Variants in APOBEC3C observed in about 807,000 individuals in gnomAD.
APOBEC3C encodes the protein apolipoprotein B mRNA editing enzyme catalytic subunit 3C.
Under a neutral mutation model 20.6 loss-of-function variants are expected in APOBEC3C, and 14 were observed. The observed-to-expected ratio is 0.68, with a 90% CI of 0.45 to 1.06. The LOEUF is 1.06. Ranked by LOEUF, APOBEC3C falls within the 50% of genes least tolerant of loss-of-function variation. APOBEC3C has a pLI of 0.00. For synonymous variants in APOBEC3C, 98 were observed against 88.8 expected, an observed-to-expected ratio of 1.10 and a Z score of -0.58; for missense variants, 244 against 241.9, an observed-to-expected ratio of 1.01 and a Z score of -0.06.
intron 1 of APOBEC3C, among the ~76,000 whole-genome samples, chr22:39,014,640 G>A (rs1344117229): frequency 2.0e-5 from 3 of 151,982 alleles, no homozygotes; most frequent in African/African-American, 7.2e-5. Flanking sequence ...TCATGCCCGG[G>A]CTGGTGCTTC....
Position 39,018,137 on chromosome 22 carries a change from C to T in APOBEC3C, c.454+92C>T, listed in dbSNP as rs570362234. 46 of 1,578,266 alleles carry T rather than the reference C, an allele frequency of 2.9e-5. No individual in the cohort carries two copies. The African/African-American group carries it at 3.6e-4, about 12-fold the overall frequency. On this transcript the variant is annotated intron_variant, in intron 3 of 3. Coordinates refer to ENST00000361441, the MANE Select transcript of APOBEC3C (RefSeq NM_014508.3). ...ATGCTGTGGGGCGGGTCAGTGTCCC[C>T]TGGGTGTCTGTGGGGACCGGGCCAG...
In APOBEC3C at chr22:39,014,415, G is replaced by A. The variant is rs778096099; in HGVS notation, c.17+36G>A. 34 of 1,613,508 alleles carry A rather than the reference G, an allele frequency of 2.1e-5. 1 individual carries two copies. The South Asian group carries it at 3.6e-4, about 17-fold the overall frequency. ...ACGCTTTGTCCGCCAGGCCCCTCCT[G>A]CCACTTCCTGCCAGGCGGTCCTGCT... On this transcript the variant is annotated intron_variant, in intron 1 of 3. Coordinates refer to ENST00000361441, the MANE Select transcript of APOBEC3C (RefSeq NM_014508.3).
Position 39,015,620 on chromosome 22 carries a change from G to A in APOBEC3C, c.43G>A (p.Gly15Ser). The change falls in exon 2 of 4, where the codon GGC (glycine) becomes AGC (serine). Residue 15 changes from glycine to serine, a missense_variant. Gly to Ser is a moderately conservative substitution (Grantham distance 56). Transcript: ENST00000361441. ...IRNPMKAMYP[G>S]TFYFQFKNLW... The stretch of plus-strand genomic sequence containing the variant: ...AAACCCGATGAAGGCAATGTATCCA[G>A]GCACATTCTACTTCCAATTTAAAAA... 1.2e-6 allele frequency: 2 copies of A among 1,614,104 alleles called. No individual in the cohort carries two copies. The highest frequency in any genetic ancestry group is 1.7e-6 in the Non-Finnish European group (2 of 1,179,996).
chr22:39,015,243 G>A (rs1242804951), intron 1 of APOBEC3C, among the ~76,000 whole-genome samples: 1 of 151,396 alleles, frequency 6.6e-6, no homozygotes, highest in Non-Finnish European at 1.5e-5. Flanking sequence ...AGGTTGCAGT[G>A]AGCTGAGATT....
intron 1 of APOBEC3C, 113 bp downstream of exon 1, chr22:39,014,492 C>CT: frequency 7.7e-7 from 1 of 1,298,990 alleles, no homozygotes; most frequent in Non-Finnish European, 1.1e-6. Context: ...GGGCTCCCTC[C>CT]CCCCTGGTTC....
In APOBEC3C at chr22:39,017,805, C is replaced by G. The variant is rs748021941; in HGVS notation, c.214C>G (p.Leu72Val). The G allele has an allele frequency of 1.2e-6, 2 of 1,613,828 alleles. No individual in the cohort carries two copies. The highest frequency in any genetic ancestry group is 1.3e-5 in the African/African-American group (1 of 74,898). The change falls in exon 3 of 4, where the codon CTC becomes GTC. Residue 72 changes from leucine (L) to valine (V), a missense_variant. Transcript: ENST00000361441. Reference sequence around the variant, plus strand: ...CCATTGTCATGCAGAAAGGTGCTTCCTCTCTTGGTTCTGCGACGACATACT... The same window carrying G: ...CCATTGTCATGCAGAAAGGTGCTTCGTCTCTTGGTTCTGCGACGACATACT... ...ETHCHAERCFLSWFCDDILSP... is the reference protein window; with the variant it reads ...ETHCHAERCFVSWFCDDILSP...
chr22:39,019,381 T>C lies in APOBEC3C; in HGVS notation c.*994T>C, dbSNP rs543038796. Reference sequence around the variant, plus strand: ...GGGCAAGAGAACATTTCTCCTTCTATAATTGCCATCTCTTTGCTCTCTCAA... The same window carrying C: ...GGGCAAGAGAACATTTCTCCTTCTACAATTGCCATCTCTTTGCTCTCTCAA... On this transcript the variant is annotated 3_prime_UTR_variant, in exon 4 of 4. Coordinates refer to ENST00000361441, the MANE Select transcript of APOBEC3C (RefSeq NM_014508.3). 1 of 152,232 alleles carries C rather than the reference T, an allele frequency of 6.6e-6. No homozygotes were observed. The highest frequency in any genetic ancestry group is 1.5e-5 in the Non-Finnish European group (1 of 68,040). 9.4% of individuals were successfully genotyped at this position (152,232 alleles called of 1,614,324 possible). A position where few individuals can be genotyped will look rare whatever the true frequency, so the allele number is the denominator to read the frequency against.
At position 39,018,276 on chromosome 22, in the gene APOBEC3C, A is replaced by G; in HGVS notation, c.462A>G (p.Lys154=). The G allele has an allele frequency of 1.2e-6, 2 of 1,613,610 alleles. No homozygotes were observed. Among genetic ancestry groups the G allele is most frequent in the Non-Finnish European group, 1.7e-6 (2 of 1,179,742 alleles). The change falls in exon 4 of 4, where the codon AAA becomes AAG. Residue 154 remains lysine, a synonymous_variant. Transcript: ENST00000361441. ...AVEIMDYEDF[K]YCWENFVYND... ...CTCCTTGTTTTTTCTCAGATTTTAA[A>G]TATTGTTGGGAAAACTTTGTGTACA...
chr22:39,014,498 G>A, intron 1 of APOBEC3C, 119 bp downstream of exon 1: 1 of 1,217,820 alleles, frequency 8.2e-7, no homozygotes, highest in African/African-American at 1.8e-5. Context: ...CCTCCCCCCT[G>A]GTTCCCCCGC....
chr22:39,015,462 A>C lies in APOBEC3C; in HGVS notation c.18-133A>C, dbSNP rs536763432. On this transcript the variant is annotated intron_variant, in intron 1 of 3. Transcript: ENST00000361441. ...CTTCCTGCCTGGGAAAGCAGCAGAC[A>C]TTCTCAGGGCTGTGGAGGGATGGGG... 126 of 1,036,884 alleles carry C rather than the reference A, an allele frequency of 1.2e-4. 3 individuals carry two copies. In the South Asian group the frequency reaches 2.1e-3, roughly 17 times the overall value. The allele number at this position is 1,036,884 out of a possible 1,614,324, so 64.2% of individuals were successfully genotyped here.
chr22:39,015,105 C>T (rs1485774018), intron 1 of APOBEC3C, among the ~76,000 whole-genome samples: 1 of 151,998 alleles, frequency 6.6e-6, no homozygotes. Flanking sequence ...TGAGACCAGC[C>T]TGACTAACAT....
At chr22:39,014,491 C>G (rs1413098161) in intron 1 of APOBEC3C, 112 bp downstream of exon 1, 2 of 1,343,026 alleles carry the variant, frequency 1.5e-6, no homozygotes, top group Non-Finnish European at 2.1e-6. Context: ...TGGGCTCCCT[C>G]CCCCCTGGTT....
intron 2 of APOBEC3C, among the ~76,000 whole-genome samples, chr22:39,016,244 G>C (rs938791819): frequency 7.6e-6 from 1 of 131,270 alleles, no homozygotes; most frequent in Non-Finnish European, 1.6e-5. Context: ...CTATCGCCCA[G>C]GCTGGAGTGC....
At position 39,014,329 on chromosome 22, in the gene APOBEC3C, T is replaced by G. The variant is rs959919042; in HGVS notation, c.-34T>G. 3.1e-6 allele frequency: 5 copies of G among 1,613,564 alleles called. No homozygotes were observed. The highest frequency in any genetic ancestry group is 4.2e-6 in the Non-Finnish European group (5 of 1,179,866). ...GAAGCCACAGCGCTTCAGAAAAGAG[T>G]GGGACAGGGACAAGCATATCTAAGA... On this transcript the variant is annotated 5_prime_UTR_variant, in exon 1 of 4. Transcript: ENST00000361441.
At position 39,014,269 on chromosome 22, in the gene APOBEC3C, G is replaced by T; in HGVS notation, c.-94G>T. ...GCCCTGGGAGGTCACTTTAAAGAGG[G>T]CTGCTCAACTGCAAGGACGCTGTAA... On this transcript the variant is annotated 5_prime_UTR_variant, in exon 1 of 4. Coordinates refer to ENST00000361441, the MANE Select transcript of APOBEC3C (RefSeq NM_014508.3). 1 of 1,523,796 alleles carries T rather than the reference G, an allele frequency of 6.6e-7. No homozygotes were observed. The allele number at this position is 1,523,796 out of a possible 1,614,324, so 94.4% of individuals were successfully genotyped here.
In APOBEC3C at chr22:39,019,062, A is replaced by G. The variant is rs1315776209; in HGVS notation, c.*675A>G. ...TGTAAGTTGAAAACCCGAAGTTTTG[A>G]GAAACATCCTTTGTAAATTTCATCC... On this transcript the variant is annotated 3_prime_UTR_variant, in exon 4 of 4. Transcript: ENST00000361441. 1 of 152,200 alleles carries G rather than the reference A, an allele frequency of 6.6e-6. No individual in the cohort carries two copies. The highest frequency in any genetic ancestry group is 1.5e-5 in the Non-Finnish European group (1 of 68,058). 9.4% of individuals were successfully genotyped at this position (152,200 alleles called of 1,614,324 possible). A position where few individuals can be genotyped will look rare whatever the true frequency, so the allele number is the denominator to read the frequency against.
intron 1 of APOBEC3C, 71 bp downstream of exon 1, chr22:39,014,450 C>A: frequency 1.3e-6 from 2 of 1,599,440 alleles, no homozygotes; most frequent in Admixed American, 1.7e-5. Context: ...TGGGCCTCAG[C>A]CCTGGCCTCC....
At position 39,016,190 on chromosome 22, in the gene APOBEC3C, A is replaced by ATTTATTTAT. The variant is rs145889122; in HGVS notation, c.174+441_174+442insTATTTATTT. The stretch of plus-strand genomic sequence containing the variant: ...ACCATGCCCCTGGCCTCCTCCCCAC[A>ATTTATTTAT]TTATTTATTTATTTATTTATTTATT... On this transcript the variant is annotated intron_variant, in intron 2 of 3. Transcript: ENST00000361441. Among the ~76,000 whole-genome samples, 890 of 141,496 alleles carry ATTTATTTAT rather than the reference A, an allele frequency of 6.3e-3. 21 individuals carry two copies. The highest frequency in any genetic ancestry group is 0.021 in the African/African-American group (773 of 37,148). 92.8% of individuals were successfully genotyped at this position (141,496 alleles called of 152,430 possible).
At chr22:39,015,410 C>A (rs534800654) in intron 1 of APOBEC3C, among the ~76,000 whole-genome samples, 185 bp from the exon 2 acceptor site, 2 of 152,172 alleles carry the variant, frequency 1.3e-5, no homozygotes, top group Non-Finnish European at 2.9e-5. Flanking sequence ...CCCCTGCCAG[C>A]GTCCCCTCCT....
Sources: allele counts gnomAD v4.1 joint callset (sites outside exome capture counted in the v4.1 genomes callset), GRCh38; gene constraint gnomAD v4.1.1; transcripts MANE v1.5; gene names NCBI Gene and HGNC (gene_info 2026-07-23, HGNC 2026-07-21).